Variants in CNTN4 observed in about 807,000 individuals in gnomAD.
The protein encoded by CNTN4 is contactin-4.
Under a neutral mutation model 122.5 loss-of-function variants are expected in CNTN4, and 77 were observed. The observed-to-expected ratio is 0.63, with a 90% CI of 0.52 to 0.76. The LOEUF is 0.76. Ranked by LOEUF, CNTN4 falls within the 30% of genes least tolerant of loss-of-function variation. The probability of loss-of-function intolerance (pLI) is 0.00; values close to 1 mark genes in which losing one functional copy is unlikely to be tolerated. For missense variants in CNTN4, 1,256 were observed against 1,259.1 expected, an observed-to-expected ratio of 1.00 and a Z score of 0.04; for synonymous variants, 512 against 447.0, an observed-to-expected ratio of 1.15 and a Z score of -1.83.
chr3:2,762,732 C>T (rs746612700), intron 6 of CNTN4, among the ~76,000 whole-genome samples: 103 of 152,120 alleles, frequency 6.8e-4, no homozygotes, highest in Non-Finnish European at 1.2e-3. Flanking sequence ...TCCATCTTTA[C>T]ATCTTTGAGG....
chr3:2,342,962 T>G (rs529808715), intron 3 of CNTN4, among the ~76,000 whole-genome samples: 1 of 152,214 alleles, frequency 6.6e-6, no homozygotes, highest in Non-Finnish European at 1.5e-5. Flanking sequence ...CTACGATTTC[T>G]TTTTGGAGGT....
intron 13 of CNTN4, among the ~76,000 whole-genome samples, chr3:2,942,955 A>G (rs2094630774): frequency 6.6e-6 from 1 of 152,184 alleles, no homozygotes; most frequent in Admixed American, 6.5e-5. Context: ...TAGGAATTCC[A>G]TGATTAATTT....
chr3:2,219,562 G>C (rs896550337), intron 2 of CNTN4, among the ~76,000 whole-genome samples: 3 of 152,086 alleles, frequency 2.0e-5, no homozygotes, highest in Admixed American at 6.5e-5. Context: ...ACCTCTCCTA[G>C]AGTTTTGGTG....
Position 2,729,915 on chromosome 3 carries a change from AAAAAT to A in CNTN4, c.56-6286_56-6282del, listed in dbSNP as rs1386920726. The stretch of plus-strand genomic sequence containing the variant: ...AGTGACAGAGGGAGACCCCATCTCA[AAAAAT>A]AAAATAAAATAAACTTTAGAATGCA... On this transcript the variant is annotated intron_variant, in intron 4 of 24. Coordinates refer to ENST00000418658, the MANE Select transcript of CNTN4 (RefSeq NM_175607.3). Among the ~76,000 whole-genome samples, 16 of 152,302 alleles carry A rather than the reference AAAAAT, an allele frequency of 1.1e-4. No individual in the cohort carries two copies. The East Asian group carries it at 2.5e-3, about 24-fold the overall frequency.
At chr3:2,269,032 G>A (rs560722425) in intron 2 of CNTN4, among the ~76,000 whole-genome samples, 1 of 152,204 alleles carries the variant, frequency 6.6e-6, no homozygotes, top group Non-Finnish European at 1.5e-5. Context: ...GGCATCTGTC[G>A]AAATGTCTGA....
rs17029808 is a variant in CNTN4, at chr3:2,960,918, G to T, written c.1359-27427G>T. ...CCCTTGCGGCTTTTCAAATCGTTTC[G>T]CTACCATGCGAACAAGATAAAGGCC... is the stretch of plus-strand genomic sequence containing the variant. On this transcript the variant is annotated intron_variant, in intron 13 of 24. Transcript: ENST00000418658. Among the ~76,000 whole-genome samples the T allele has an allele frequency of 8.6e-3, 1,302 of 151,968 alleles. 20 individuals carry two copies. The highest frequency in any genetic ancestry group is 0.03 in the African/African-American group (1,248 of 41,438).
At chr3:2,163,362 T>C (rs2036046736) in intron 2 of CNTN4, among the ~76,000 whole-genome samples, 1 of 152,098 alleles carries the variant, frequency 6.6e-6, no homozygotes, top group South Asian at 2.1e-4. Flanking sequence ...TCAAGATTCA[T>C]CAAAGACTTA....
chr3:2,524,175 C>T (rs1030140002), intron 3 of CNTN4, among the ~76,000 whole-genome samples: 2 of 152,016 alleles, frequency 1.3e-5, no homozygotes, highest in Non-Finnish European at 2.9e-5. Context: ...CTCCCTAGAC[C>T]AACAATAATC....
At chr3:2,881,920 T>C (rs561826693) in intron 8 of CNTN4, among the ~76,000 whole-genome samples, 2 of 152,364 alleles carry the variant, frequency 1.3e-5, no homozygotes, top group Admixed American at 1.3e-4. Context: ...TGGAGAGCCC[T>C]ATCTTTTTAT....
At chr3:3,037,756 A>G (rs1699745284) in intron 18 of CNTN4, 3 of 259,422 alleles carry the variant, frequency 1.2e-5, no homozygotes, top group Non-Finnish European at 2.3e-5. Context: ...GAAATAAAAA[A>G]TAATTTCTTC....
At chr3:2,379,025 G>T (rs1179066679) in intron 3 of CNTN4, among the ~76,000 whole-genome samples, 1 of 152,114 alleles carries the variant, frequency 6.6e-6, no homozygotes, top group Non-Finnish European at 1.5e-5. Context: ...TAGGTTAAAT[G>T]AAGTCAAATA....
At chr3:2,127,680 T>A (rs1253545500) in intron 2 of CNTN4, among the ~76,000 whole-genome samples, 4 of 152,134 alleles carry the variant, frequency 2.6e-5, no homozygotes, top group South Asian at 2.1e-4. Context: ...ATTGGAAATA[T>A]ATGCCAATTT....
intron 2 of CNTN4, among the ~76,000 whole-genome samples, chr3:2,188,685 A>G (rs2037386599): frequency 1.3e-5 from 2 of 152,162 alleles, no homozygotes; most frequent in Non-Finnish European, 2.9e-5. Context: ...AACCAGACAG[A>G]AAGGCAGTAA....
At chr3:2,601,559 G>T (rs975456161) in intron 4 of CNTN4, among the ~76,000 whole-genome samples, 1 of 152,012 alleles carries the variant, frequency 6.6e-6, no homozygotes, top group Non-Finnish European at 1.5e-5. Context: ...TGTTCCATTG[G>T]TCTATATCTC....
intron 13 of CNTN4, among the ~76,000 whole-genome samples, chr3:2,947,466 C>A (rs994770018): frequency 6.6e-6 from 1 of 152,178 alleles, no homozygotes; most frequent in Non-Finnish European, 1.5e-5. Flanking sequence ...GGTTTTAAAT[C>A]CCTCAGACTA....
At chr3:2,738,600 A>C (rs571842288) in intron 5 of CNTN4, among the ~76,000 whole-genome samples, 1 of 152,316 alleles carries the variant, frequency 6.6e-6, no homozygotes, top group African/African-American at 2.4e-5. Flanking sequence ...CAGAACAATA[A>C]AAATAATAAA....
rs1559457377 is a variant in CNTN4 at position 2,745,644 on chromosome 3, C to CGACAAA, written c.306_311dup (p.Thr103_Asn104insLysThr). On this transcript the variant is annotated inframe_insertion, in exon 6 of 25. Coordinates refer to ENST00000418658, the MANE Select transcript of CNTN4 (RefSeq NM_175607.3). ...GATGCTGGAACGTACCAGTGCACAG[C>CGACAAA]GACAAACTCGTTTGGAACAATTGTT... is the stretch of plus-strand genomic sequence containing the variant. 6.2e-7 allele frequency: 1 copy of CGACAAA among 1,614,028 alleles called. No individual in the cohort carries two copies. The highest frequency in any genetic ancestry group is 8.5e-7 in the Non-Finnish European group (1 of 1,179,938).
intron 3 of CNTN4, among the ~76,000 whole-genome samples, chr3:2,553,505 C>T (rs2078598524): frequency 6.6e-6 from 1 of 152,124 alleles, no homozygotes. Flanking sequence ...TATCAAAACT[C>T]CAATATCAAC....
chr3:2,435,253 C>T (rs1354290991), intron 3 of CNTN4, among the ~76,000 whole-genome samples: 1 of 152,090 alleles, frequency 6.6e-6, no homozygotes, highest in Non-Finnish European at 1.5e-5. Context: ...CCAGGACCTC[C>T]CTTATATACC....
Sources: gnomAD v4.1 joint callset for allele counts (sites outside exome capture counted in the v4.1 genomes callset) on GRCh38, gnomAD v4.1.1 for gene constraint, MANE v1.5 for transcripts, NCBI Gene and HGNC (gene_info 2026-07-23, HGNC 2026-07-21) for gene names.